The following TAFA2 variants were observed in gnomAD, a reference collection of about 807,000 sequenced individuals.
The protein encoded by TAFA2 is chemokine-like protein TAFA-2.
TAFA2 carries 7 observed loss-of-function variants against 18.8 expected under a neutral mutation model. That is an observed-to-expected ratio of 0.37 (90% CI 0.21 to 0.70). The LOEUF is 0.70. TAFA2 is among the 30% of genes least tolerant of loss of function. The pLI is 0.53. For synonymous variants in TAFA2, 60 were observed against 54.2 expected (o/e 1.11, Z -0.47); for missense variants, 122 against 158.1 (o/e 0.77, Z 1.23).
At chr12:62,079,513 A>G (rs1868287740) in intron 1 of TAFA2, among the ~76,000 whole-genome samples, 1 of 151,686 alleles carries the variant, frequency 6.6e-6, no homozygotes, top group South Asian at 2.1e-4. Flanking sequence ...AAAAAAAAAA[A>G]ATTAGCCAGA....
intron 1 of TAFA2, among the ~76,000 whole-genome samples, chr12:62,166,448 T>C (rs976943040): frequency 3.3e-5 from 5 of 152,194 alleles, no homozygotes; most frequent in Non-Finnish European, 7.4e-5. Flanking sequence ...AGCTCATTTT[T>C]GTTGCACTAT....
chr12:61,913,059 C>T (rs936158802), intron 1 of TAFA2, among the ~76,000 whole-genome samples: 2 of 152,140 alleles, frequency 1.3e-5, no homozygotes, highest in Non-Finnish European at 2.9e-5. Context: ...AAAGACATCA[C>T]ACTTGAAATT....
chr12:62,133,716 A>C (rs749910931), intron 1 of TAFA2, among the ~76,000 whole-genome samples: 8 of 152,088 alleles, frequency 5.3e-5, no homozygotes, highest in Non-Finnish European at 7.4e-5. Context: ...AGGAACTTGA[A>C]TACCTGGTTT....
At chr12:61,810,133 A>T (rs1161527127) in intron 2 of TAFA2, among the ~76,000 whole-genome samples, 2 of 151,448 alleles carry the variant, frequency 1.3e-5, no homozygotes, top group African/African-American at 4.9e-5. Flanking sequence ...TATAATTTAC[A>T]GTTTTCCCAA....
At chr12:61,722,075 TA>T (rs1175628977) in intron 4 of TAFA2, among the ~76,000 whole-genome samples, 1 of 152,054 alleles carries the variant, frequency 6.6e-6, no homozygotes, top group Non-Finnish European at 1.5e-5. Flanking sequence ...AAAATATGAG[TA>T]ACAATAATAA....
chr12:61,720,485 A>G (rs1357433202), intron 4 of TAFA2, among the ~76,000 whole-genome samples: 1 of 152,186 alleles, frequency 6.6e-6, no homozygotes, highest in South Asian at 2.1e-4. Flanking sequence ...ACATCAGTTT[A>G]AAGAATGATG....
chr12:61,831,754 G>A (rs193118898), intron 2 of TAFA2, among the ~76,000 whole-genome samples: 53 of 152,062 alleles, frequency 3.5e-4, no homozygotes, highest in African/African-American at 1.3e-3. Context: ...ACAACGTGCA[G>A]GTTTGTTACA....
chr12:61,990,976 T>C (rs1879989492), intron 1 of TAFA2, among the ~76,000 whole-genome samples: 1 of 152,138 alleles, frequency 6.6e-6, no homozygotes, highest in Non-Finnish European at 1.5e-5. Context: ...GTGAGGAAAA[T>C]AGTGACCTTT....
chr12:62,081,570 C>A (rs759238105), intron 1 of TAFA2, among the ~76,000 whole-genome samples: 8 of 151,904 alleles, frequency 5.3e-5, no homozygotes, highest in African/African-American at 1.9e-4. Flanking sequence ...CTACAACCTC[C>A]GCCTCCCAGG....
chr12:61,966,841 T>G (rs1879085054), intron 1 of TAFA2, among the ~76,000 whole-genome samples: 1 of 151,908 alleles, frequency 6.6e-6, no homozygotes, highest in Non-Finnish European at 1.5e-5. Context: ...TGTTTCAAAC[T>G]ATGGACACAT....
chr12:61,741,213 C>T (rs1868427441), intron 4 of TAFA2, among the ~76,000 whole-genome samples: 1 of 151,498 alleles, frequency 6.6e-6, no homozygotes, highest in East Asian at 1.9e-4. Context: ...ATTAGTGTAG[C>T]CCCAATTTTT....
At chr12:61,914,162 G>T (rs1876724566) in intron 1 of TAFA2, among the ~76,000 whole-genome samples, 1 of 152,160 alleles carries the variant, frequency 6.6e-6, no homozygotes, top group Non-Finnish European at 1.5e-5. Flanking sequence ...CCCTAAGGAT[G>T]AAGATCCATG....
chr12:61,902,429 T>A (rs896546311), intron 1 of TAFA2, among the ~76,000 whole-genome samples: 5 of 152,186 alleles, frequency 3.3e-5, no homozygotes, highest in African/African-American at 1.2e-4. Context: ...GTCTGCCTCT[T>A]CCTGGCCTCT....
intron 1 of TAFA2, among the ~76,000 whole-genome samples, chr12:62,066,137 G>GTT (rs1381014463): frequency 6.6e-6 from 1 of 151,028 alleles, no homozygotes; most frequent in Non-Finnish European, 1.5e-5. Flanking sequence ...GTGTGTGTGT[G>GTT]TGTGTGTGTG....
At chr12:61,792,476 A>G (rs907872790) in intron 2 of TAFA2, among the ~76,000 whole-genome samples, 4 of 151,686 alleles carry the variant, frequency 2.6e-5, no homozygotes, top group African/African-American at 9.7e-5. Flanking sequence ...TACACAATGT[A>G]TATATGCATT....
intron 1 of TAFA2, among the ~76,000 whole-genome samples, chr12:62,124,298 A>C (rs1029683766): frequency 7.0e-5 from 10 of 142,814 alleles, no homozygotes; most frequent in East Asian, 2.3e-4. Context: ...TTTCTGAGGA[A>C]GTTAAAAAAA....
intron 1 of TAFA2, among the ~76,000 whole-genome samples, chr12:61,891,517 G>A (rs1434542326): frequency 1.3e-5 from 2 of 151,976 alleles, no homozygotes; most frequent in Admixed American, 6.6e-5. Context: ...GTGTGGTGGC[G>A]CATGCCTGTA....
At chr12:61,786,006 A>C (rs1870722198) in intron 2 of TAFA2, among the ~76,000 whole-genome samples, 1 of 151,600 alleles carries the variant, frequency 6.6e-6, no homozygotes, top group African/African-American at 2.4e-5. Context: ...GAGTTCACAG[A>C]GATTACTGGA....
intron 1 of TAFA2, among the ~76,000 whole-genome samples, chr12:62,027,251 G>A (rs1241935573): frequency 1.3e-5 from 2 of 152,004 alleles, no homozygotes; most frequent in East Asian, 3.9e-4. Flanking sequence ...GCAAGATAAA[G>A]AATTAACATG....
Sources: gnomAD v4.1 joint callset for allele counts (sites outside exome capture counted in the v4.1 genomes callset) on GRCh38, gnomAD v4.1.1 for gene constraint, MANE v1.5 for transcripts, NCBI Gene and HGNC (gene_info 2026-07-23, HGNC 2026-07-21) for gene names.